The following ARHGAP39 variants were observed in gnomAD, a reference collection of about 807,000 sequenced individuals.
ARHGAP39 encodes Rho GTPase activating protein 39, also known as rho GTPase-activating protein 39.
In ARHGAP39, 44 loss-of-function variants were observed where a neutral mutation model predicts 106.9. The ratio of observed to expected loss-of-function variants is 0.41; its 90% CI spans 0.32 to 0.53. ARHGAP39 has a LOEUF of 0.53. Ranked by LOEUF, ARHGAP39 falls within the 20% of genes least tolerant of loss-of-function variation. The pLI is 0.21. For synonymous variants in ARHGAP39, 768 were observed against 693.2 expected, an observed-to-expected ratio of 1.11 and a Z score of -1.69; for missense variants, 1,496 against 1,577.3, an observed-to-expected ratio of 0.95 and a Z score of 0.87.
intron 1 of ARHGAP39, among the ~76,000 whole-genome samples, chr8:144,617,618 C>T (rs1243782861): frequency 6.6e-6 from 1 of 150,618 alleles, no homozygotes; most frequent in Non-Finnish European, 1.5e-5. Context: ...AGCAGCTGAA[C>T]TCTGCCAGCC....
intron 1 of ARHGAP39, among the ~76,000 whole-genome samples, chr8:144,639,555 C>T (rs1821258840): frequency 6.6e-6 from 1 of 151,966 alleles, no homozygotes; most frequent in East Asian, 1.9e-4. Context: ...AGTTCACAAA[C>T]CATATGATTC....
At chr8:144,694,569 G>A in the ARHGAP39 span, among the ~76,000 whole-genome samples, 9 of 152,182 alleles carry the variant, frequency 5.9e-5, no homozygotes, top group Non-Finnish European at 1.2e-4. Flanking sequence ...GTCAGCTTTC[G>A]CTGAGTTGTG....
Position 144,544,641 on chromosome 8 carries a change from G to A in ARHGAP39, c.2521+608C>T, listed in dbSNP as rs1308217460. Among the ~76,000 whole-genome samples the A allele has an allele frequency of 2.6e-5, 4 of 152,228 alleles. No individual in the cohort carries two copies. The East Asian group carries it at 7.7e-4, about 29-fold the overall frequency. On this transcript the variant is annotated intron_variant, in intron 6 of 11. Transcript: ENST00000377307. ...CCCAGCACACCTGAAGCATCGTCTT[G>A]GAGAGCCCTGGGCAGACTCTGGCCT...
intron 1 of ARHGAP39, among the ~76,000 whole-genome samples, chr8:144,652,428 T>C (rs1230019982): frequency 6.6e-6 from 1 of 152,096 alleles, no homozygotes; most frequent in African/African-American, 2.4e-5. Context: ...CAGAGAAATA[T>C]AAATCATTCT....
At chr8:144,594,567 G>A (rs1286484149) in intron 2 of ARHGAP39, among the ~76,000 whole-genome samples, 2 of 152,026 alleles carry the variant, frequency 1.3e-5, no homozygotes, top group East Asian at 1.9e-4. Flanking sequence ...GATGGTGGGC[G>A]CCTGTAATCC....
chr8:144,666,870 C>T (rs772421799), intron 1 of ARHGAP39, among the ~76,000 whole-genome samples: 4 of 152,140 alleles, frequency 2.6e-5, no homozygotes, highest in Non-Finnish European at 5.9e-5. Context: ...CCCAAACAGG[C>T]CTCTGCCCAC....
At chr8:144,652,134 A>G (rs2129650181) in intron 1 of ARHGAP39, among the ~76,000 whole-genome samples, 1 of 152,310 alleles carries the variant, frequency 6.6e-6, no homozygotes, top group South Asian at 2.1e-4. Flanking sequence ...CAGGCAACCT[A>G]TAGAATGGGA....
chr8:144,600,225 T>G (rs1158973037), intron 2 of ARHGAP39, among the ~76,000 whole-genome samples: 1 of 143,586 alleles, frequency 7.0e-6, no homozygotes, highest in Non-Finnish European at 1.5e-5. Context: ...GGGGCATGTG[T>G]GCAAGCTCGT....
chr8:144,645,842 G>A lies in ARHGAP39; in HGVS notation c.-82+39844C>T, dbSNP rs1414927098. Among the ~76,000 whole-genome samples, 1 of 152,230 alleles carries A rather than the reference G, an allele frequency of 6.6e-6. No individual in the cohort carries two copies. Among genetic ancestry groups the A allele is most frequent in the South Asian group, 2.1e-4 (1 of 4,828 alleles). On this transcript the variant is annotated intron_variant, in intron 1 of 11. Transcript: ENST00000377307. This position sits in a 1 kb window ranked among gnomAD's most constrained non-coding sequence, Gnocchi z 4.4. ...GGCCAGGGCTGCAGGGGGAGCTGGGGGCAGCAGGGAGGACAGAGACACCTG... is the reference window on the plus strand; with the variant it reads ...GGCCAGGGCTGCAGGGGGAGCTGGGAGCAGCAGGGAGGACAGAGACACCTG...
chr8:144,547,057 G>C lies in ARHGAP39; in HGVS notation c.1959+70C>G. On this transcript the variant is annotated intron_variant, in intron 5 of 11. Transcript: ENST00000377307. The surrounding 1 kb of genome is among the most constrained non-coding windows in gnomAD (Gnocchi z 5.2). ...CTGGACGCCAGGTCTCCTGTGCCTG[G>C]CCCACGGGGTCCACTCTGACTGGGC... is the stretch of plus-strand genomic sequence containing the variant. 6.8e-7 allele frequency: 1 copy of C among 1,464,222 alleles called. No individual in the cohort carries two copies. The highest frequency in any genetic ancestry group is 1.4e-5 in the South Asian group (1 of 69,610). The allele number at this position is 1,464,222 out of a possible 1,614,324, so 90.7% of individuals were successfully genotyped here. A position where few individuals can be genotyped will look rare whatever the true frequency, so the allele number is the denominator to read the frequency against.
the ARHGAP39 span, chr8:144,698,605 G>GTT: frequency 0.034 from 8,890 of 260,738 alleles, 73 homozygotes; most frequent in Middle Eastern, 0.07. Context: ...TCTCTAATCT[G>GTT]TTTTTTTTTT....
At chr8:144,609,423 A>G (rs756507066) in intron 1 of ARHGAP39, among the ~76,000 whole-genome samples, 2 of 116,272 alleles carry the variant, frequency 1.7e-5, no homozygotes, top group Non-Finnish European at 3.3e-5. Flanking sequence ...TTTTTTTGAG[A>G]CGGAGTCTCA....
rs1188655289 is a variant in ARHGAP39 at position 144,580,964 on chromosome 8, G to A, written c.394C>T (p.Arg132Cys). 5.6e-6 allele frequency: 9 copies of A among 1,601,938 alleles called. No individual in the cohort carries two copies. The East Asian group carries it at 9.0e-5, about 16-fold the overall frequency. Residue 132 changes from arginine (R) to cysteine (C), a missense_variant, in exon 3 of 12, where the codon CGT (arginine) becomes TGT (cysteine). Physicochemically the swap from Arg to Cys is radical, Grantham distance 180. Transcript: ENST00000377307. ...SSPGRGSSVS[R>C]EGSTSSSLEP... is the part of the protein sequence containing the mutation. ...AGGGAGGAGCTGGTGCTGCCCTCAC[G>A]GCTGACGCTGCTGCCGCGCCCGGGG...
At chr8:144,602,922 GGC>G (rs1586604432) in intron 2 of ARHGAP39, among the ~76,000 whole-genome samples, 5 of 133,744 alleles carry the variant, frequency 3.7e-5, no homozygotes, top group Admixed American at 7.5e-5. Context: ...TGTGCGTGGA[GGC>G]GTGTGTGTGC....
At chr8:144,551,872 C>T (rs112851757) in intron 4 of ARHGAP39, among the ~76,000 whole-genome samples, 3,737 of 152,332 alleles carry the variant, frequency 0.025, 87 homozygotes, top group Admixed American at 0.068. Flanking sequence ...CCGGCCTCCC[C>T]GATGGGCCTT....
intron 3 of ARHGAP39, among the ~76,000 whole-genome samples, chr8:144,579,654 C>T (rs1168296536): frequency 7.2e-5 from 11 of 152,190 alleles, no homozygotes; most frequent in Non-Finnish European, 1.5e-4. Context: ...TGTGCCTGCA[C>T]CTCGGCACGG....
intron 1 of ARHGAP39, among the ~76,000 whole-genome samples, chr8:144,627,830 C>A (rs1174592947): frequency 6.6e-6 from 1 of 152,206 alleles, no homozygotes; most frequent in Non-Finnish European, 1.5e-5. Flanking sequence ...CTCATGGAGA[C>A]CTCCCTGCAC....
intron 3 of ARHGAP39, among the ~76,000 whole-genome samples, chr8:144,571,676 A>T (rs1379538128): frequency 1.3e-5 from 2 of 152,228 alleles, no homozygotes; most frequent in Admixed American, 1.3e-4. Context: ...AGGGTATTCA[A>T]TTAGGAAAAG....
chr8:144,553,851 T>C (rs1290175942), intron 4 of ARHGAP39, among the ~76,000 whole-genome samples: 1 of 152,096 alleles, frequency 6.6e-6, no homozygotes, highest in Non-Finnish European at 1.5e-5. Flanking sequence ...AGGCCTCTTC[T>C]CCCCGCCCAA....
Sources: gnomAD v4.1 joint callset for allele counts (sites outside exome capture counted in the v4.1 genomes callset) on GRCh38, gnomAD v4.1.1 for gene constraint, Gnocchi (gnomAD v3.1) non-coding constraint, MANE v1.5 for transcripts, NCBI Gene and HGNC (gene_info 2026-07-23, HGNC 2026-07-21) for gene names.